Variants in SGCG observed in about 807,000 individuals in gnomAD.
SGCG encodes sarcoglycan gamma.
A neutral mutation model predicts 29.3 loss-of-function variants in SGCG; 26 were observed. The observed-to-expected ratio is 0.89, with a 90% CI of 0.65 to 1.23. The LOEUF (loss-of-function observed/expected upper bound fraction) is 1.23, where lower values mean the gene tolerates loss of function less well. SGCG is among the 50% of genes most tolerant of loss of function. The probability of loss-of-function intolerance (pLI) is 0.00; values close to 1 mark genes in which losing one functional copy is unlikely to be tolerated. For synonymous variants in SGCG, 145 were observed against 129.7 expected, an observed-to-expected ratio of 1.12 and a Z score of -0.80; for missense variants, 353 against 356.0, an observed-to-expected ratio of 0.99 and a Z score of 0.07.
chr13:23,213,839 C>A lies in SGCG; in HGVS notation c.195+9950C>A, dbSNP rs73168650. On this transcript the variant is annotated intron_variant, in intron 2 of 7. Transcript: ENST00000218867. ...GTGCCCCTAAGGCAGCTGCATGCAG[C>A]CACCTGTAGGCTACCGAGGCTCAGC... Among the ~76,000 whole-genome samples the A allele has an allele frequency of 7.7e-3, 1,167 of 152,264 alleles. 8 individuals are homozygous for A. Among genetic ancestry groups the A allele is most frequent in the Non-Finnish European group, 0.014 (934 of 68,014 alleles).
At chr13:23,288,171 T>C (rs1221082146) in intron 5 of SGCG, among the ~76,000 whole-genome samples, 1 of 152,192 alleles carries the variant, frequency 6.6e-6, no homozygotes, top group Non-Finnish European at 1.5e-5. Flanking sequence ...AGGTAGCCTT[T>C]GGAGTTTCTC....
intron 2 of SGCG, among the ~76,000 whole-genome samples, chr13:23,228,962 C>G (rs1879004693): frequency 6.6e-6 from 1 of 152,210 alleles, no homozygotes; most frequent in African/African-American, 2.4e-5. Context: ...CCTCCACCTC[C>G]CGAGTTCAAG....
At chr13:23,227,404 C>CA (rs1878943405) in intron 2 of SGCG, among the ~76,000 whole-genome samples, 1 of 151,482 alleles carries the variant, frequency 6.6e-6, no homozygotes, top group Non-Finnish European at 1.5e-5. Flanking sequence ...TATGGGAATG[C>CA]AAAATGGTGT....
chr13:23,299,407 C>CATGTATATATATATAT (rs1161342960), intron 6 of SGCG, among the ~76,000 whole-genome samples: 1 of 23,924 alleles, frequency 4.2e-5, no homozygotes, highest in African/African-American at 1.7e-4. Context: ...TCTTAGTTGG[C>CATGTATATATATATAT]ATATATATAT....
intron 4 of SGCG, among the ~76,000 whole-genome samples, chr13:23,277,759 C>T (rs1020535135): frequency 1.5e-4 from 22 of 144,148 alleles, no homozygotes; most frequent in Non-Finnish European, 2.7e-4. Flanking sequence ...AGTGCAGTGG[C>T]GTGATCTCGG....
intron 6 of SGCG, among the ~76,000 whole-genome samples, chr13:23,316,699 T>C (rs1882826584): frequency 6.6e-6 from 1 of 152,082 alleles, no homozygotes. Flanking sequence ...ACTAGCAAAA[T>C]TTTTGCTTCC....
intron 4 of SGCG, among the ~76,000 whole-genome samples, chr13:23,259,436 C>A (rs971768700): frequency 1.3e-5 from 2 of 151,716 alleles, no homozygotes; most frequent in African/African-American, 2.4e-5. Flanking sequence ...TCTCTCTTTT[C>A]TTCTTTATTA....
At chr13:23,181,895 G>T (rs891245061) in intron 1 of SGCG, among the ~76,000 whole-genome samples, 4 of 152,170 alleles carry the variant, frequency 2.6e-5, no homozygotes, top group African/African-American at 9.7e-5. Context: ...GGAATACACC[G>T]TTTGTTTTTT....
chr13:23,181,674 G>GA (rs560348118), intron 1 of SGCG, among the ~76,000 whole-genome samples: 7 of 152,144 alleles, frequency 4.6e-5, no homozygotes, highest in South Asian at 4.1e-4. Context: ...AAATATGTAT[G>GA]AAAAAATAAA....
At chr13:23,251,232 G>A (rs547708771) in intron 4 of SGCG, among the ~76,000 whole-genome samples, 1 of 152,164 alleles carries the variant, frequency 6.6e-6, no homozygotes, top group South Asian at 2.1e-4. Context: ...TTACCTGCTC[G>A]GCTGTAGTTA....
intron 6 of SGCG, among the ~76,000 whole-genome samples, chr13:23,295,801 C>CCACAT (rs1881884369): frequency 6.6e-6 from 1 of 152,202 alleles, no homozygotes; most frequent in Admixed American, 6.5e-5. Flanking sequence ...TTCATCGCTC[C>CCACAT]CACATCACAT....
chr13:23,323,691 G>C (rs922217953), intron 7 of SGCG, among the ~76,000 whole-genome samples: 8 of 152,102 alleles, frequency 5.3e-5, no homozygotes. Flanking sequence ...CATTTTAATT[G>C]GCTTAGTCTG....
chr13:23,217,482 C>T (rs951189071), intron 2 of SGCG: 2 of 152,004 alleles, frequency 1.3e-5, no homozygotes, highest in African/African-American at 2.4e-5. Flanking sequence ...TAAGGCGCCA[C>T]GTCAATCTTT....
At chr13:23,264,304 C>A (rs117117854) in intron 4 of SGCG, among the ~76,000 whole-genome samples, 4,232 of 151,722 alleles carry the variant, frequency 0.028, 83 homozygotes, top group Non-Finnish European at 0.033. Context: ...AGCCGAGAAT[C>A]CAATCAAGAA....
At chr13:23,172,711 A>G in the SGCG span, among the ~76,000 whole-genome samples, 1 of 152,236 alleles carries the variant, frequency 6.6e-6, no homozygotes, top group African/African-American at 2.4e-5. Flanking sequence ...GAGACTAAGG[A>G]TATGTAGGTA....
At chr13:23,261,941 A>T (rs1880453191) in intron 4 of SGCG, among the ~76,000 whole-genome samples, 1 of 152,112 alleles carries the variant, frequency 6.6e-6, no homozygotes, top group African/African-American at 2.4e-5. Context: ...TAAAGTCTTT[A>T]TCAGACAAGC....
intron 2 of SGCG, among the ~76,000 whole-genome samples, chr13:23,221,619 G>A (rs1878659927): frequency 6.6e-6 from 1 of 152,210 alleles, no homozygotes; most frequent in African/African-American, 2.4e-5. Context: ...TGGAATAGAA[G>A]TTTACATACA....
chr13:23,179,163 T>C (rs561805352), upstream of SGCG, among the ~76,000 whole-genome samples: 12 of 152,370 alleles, frequency 7.9e-5, no homozygotes, highest in African/African-American at 2.6e-4. Flanking sequence ...TTTAAAGTAT[T>C]ATGATTCCTT....
chr13:23,249,936 G>A (rs1208805635), intron 3 of SGCG, among the ~76,000 whole-genome samples: 1 of 152,102 alleles, frequency 6.6e-6, no homozygotes, highest in Admixed American at 6.5e-5. Flanking sequence ...TTTTGTTTAG[G>A]TATAATTCTG....
Sources: allele counts gnomAD v4.1 joint callset (sites outside exome capture counted in the v4.1 genomes callset), GRCh38; gene constraint gnomAD v4.1.1; transcripts MANE v1.5; gene names NCBI Gene and HGNC (gene_info 2026-07-23, HGNC 2026-07-21).